DIAPH3: variants seen among roughly 807,000 people sequenced by gnomAD.
DIAPH3 encodes protein diaphanous homolog 3.
DIAPH3 carries 117 observed loss-of-function variants against 144.3 expected under a neutral mutation model. That is an observed-to-expected ratio of 0.81 (90% confidence interval 0.70 to 0.95). The LOEUF is 0.95. Ranked by LOEUF, DIAPH3 falls within the 40% of genes least tolerant of loss-of-function variation. DIAPH3 has a pLI of 0.00. For synonymous variants in DIAPH3, 519 were observed against 488.9 expected (o/e 1.06, Z -0.81); for missense variants, 1,421 against 1,412.7 (o/e 1.01, Z -0.09).
chr13:60,104,598 T>C (rs2058358634), intron 3 of DIAPH3, among the ~76,000 whole-genome samples: 1 of 81,168 alleles, frequency 1.2e-5, no homozygotes, highest in Non-Finnish European at 3.0e-5. Flanking sequence ...ACACACACGA[T>C]GAGAAAAAAA....
At chr13:59,803,925 G>C (rs1443071213) in intron 25 of DIAPH3, among the ~76,000 whole-genome samples, 1 of 152,120 alleles carries the variant, frequency 6.6e-6, no homozygotes, top group Non-Finnish European at 1.5e-5. Context: ...GGAAAAAATT[G>C]TTACATGGTA....
chr13:60,112,455 T>C (rs1057481560), intron 2 of DIAPH3, among the ~76,000 whole-genome samples: 2 of 152,228 alleles, frequency 1.3e-5, no homozygotes, highest in Non-Finnish European at 2.9e-5. Context: ...GAGCTTCTAA[T>C]GACAGGTGAC....
intron 1 of DIAPH3, among the ~76,000 whole-genome samples, chr13:60,141,224 T>C (rs1394515143): frequency 6.6e-6 from 1 of 152,210 alleles, no homozygotes; most frequent in Non-Finnish European, 1.5e-5. Flanking sequence ...TACCACTTAC[T>C]AGATAATTCC....
At chr13:59,852,634 C>A (rs1175654358) in intron 22 of DIAPH3, among the ~76,000 whole-genome samples, 1 of 152,142 alleles carries the variant, frequency 6.6e-6, no homozygotes, top group Non-Finnish European at 1.5e-5. Flanking sequence ...ATGCATTGAG[C>A]TGTACACTTA....
chr13:59,794,469 A>G (rs889428532), intron 25 of DIAPH3, among the ~76,000 whole-genome samples: 2 of 152,120 alleles, frequency 1.3e-5, no homozygotes, highest in South Asian at 2.1e-4. Flanking sequence ...GGAATATTCA[A>G]TAGGATTCTT....
At chr13:59,715,614 A>G (rs560039794) in intron 27 of DIAPH3, among the ~76,000 whole-genome samples, 1 of 151,982 alleles carries the variant, frequency 6.6e-6, no homozygotes, top group Non-Finnish European at 1.5e-5. Context: ...TTTAGAGTAA[A>G]AAAAAAAAAT....
At chr13:60,014,983 T>TGTTTC (rs1434121678) in intron 7 of DIAPH3, among the ~76,000 whole-genome samples, 3 of 151,326 alleles carry the variant, frequency 2.0e-5, no homozygotes. Flanking sequence ...TGTTTTGTTT[T>TGTTTC]GTTTTGTTTT....
intron 1 of DIAPH3, among the ~76,000 whole-genome samples, chr13:60,146,764 GTTT>G (rs1951543164): frequency 6.6e-6 from 1 of 152,194 alleles, no homozygotes; most frequent in South Asian, 2.1e-4. Context: ...AAGTACAATA[GTTT>G]TAGGTTGATT....
intron 1 of DIAPH3, among the ~76,000 whole-genome samples, chr13:60,143,911 C>G (rs1951387018): frequency 1.3e-5 from 2 of 152,118 alleles, no homozygotes; most frequent in Non-Finnish European, 2.9e-5. Context: ...GTGAGGTAAA[C>G]AGATTAAGTA....
intron 20 of DIAPH3, among the ~76,000 whole-genome samples, chr13:59,908,719 G>T (rs1429738556): frequency 6.6e-6 from 1 of 152,024 alleles, no homozygotes; most frequent in Non-Finnish European, 1.5e-5. Flanking sequence ...CACATAACTG[G>T]ATAAAAGAAA....
intron 21 of DIAPH3, among the ~76,000 whole-genome samples, chr13:59,868,428 C>T (rs1238023560): frequency 1.3e-5 from 2 of 152,046 alleles, no homozygotes; most frequent in African/African-American, 4.8e-5. Context: ...TATTTTAGAG[C>T]AATTTTAGCT....
intron 27 of DIAPH3, among the ~76,000 whole-genome samples, chr13:59,747,349 TGC>T: frequency 6.6e-6 from 1 of 152,190 alleles, no homozygotes; most frequent in South Asian, 2.1e-4. Context: ...TTACAGATTT[TGC>T]ATCTAGGTAT....
chr13:60,086,414 C>T (rs748320894), intron 4 of DIAPH3, among the ~76,000 whole-genome samples: 2 of 152,072 alleles, frequency 1.3e-5, no homozygotes, highest in African/African-American at 2.4e-5. Context: ...AACAAGAAAT[C>T]GGTTCATTGT....
intron 24 of DIAPH3, among the ~76,000 whole-genome samples, chr13:59,811,834 C>G (rs1014804870): frequency 4.6e-5 from 7 of 150,644 alleles, no homozygotes; most frequent in African/African-American, 1.7e-4. Flanking sequence ...ATAAGAAGAT[C>G]TCAATAGATA....
At chr13:59,770,331 T>C (rs2038061661) in intron 27 of DIAPH3, among the ~76,000 whole-genome samples, 1 of 152,184 alleles carries the variant, frequency 6.6e-6, no homozygotes. Flanking sequence ...CAACACATTC[T>C]TATAAACACT....
At chr13:59,850,802 T>G (rs1374528387) in intron 22 of DIAPH3, among the ~76,000 whole-genome samples, 2 of 147,942 alleles carry the variant, frequency 1.4e-5, no homozygotes, top group Non-Finnish European at 3.0e-5. Context: ...CCTCGACACA[T>G]ACACTCTCCC....
chr13:59,858,392 T>C lies in DIAPH3; in HGVS notation c.2737+3015A>G, dbSNP rs1003567086. ...AACCAAGAGTAAGACAAGAGCACAG[T>C]TTCTGACACAGTGTAATCACTCAAT... is the stretch of plus-strand genomic sequence containing the variant. On this transcript the variant is annotated intron_variant, in intron 22 of 27. Transcript: ENST00000400324. Among the ~76,000 whole-genome samples the C allele has an allele frequency of 2.6e-5, 4 of 152,198 alleles. No homozygotes were observed. The East Asian group carries it at 7.7e-4, about 29-fold the overall frequency.
At chr13:59,800,636 T>C (rs527748050) in intron 25 of DIAPH3, among the ~76,000 whole-genome samples, 1 of 152,236 alleles carries the variant, frequency 6.6e-6, no homozygotes, top group African/African-American at 2.4e-5. Context: ...TTTACCTTAA[T>C]GATAGAATCA....
intron 2 of DIAPH3, among the ~76,000 whole-genome samples, chr13:60,121,165 T>C (rs1406684326): frequency 6.6e-6 from 1 of 152,158 alleles, no homozygotes; most frequent in Non-Finnish European, 1.5e-5. Flanking sequence ...GCTTTGAAAA[T>C]ATCTGATTTC....
Sources: gnomAD v4.1 joint callset for allele counts (sites outside exome capture counted in the v4.1 genomes callset) on GRCh38, gnomAD v4.1.1 for gene constraint, MANE v1.5 for transcripts, NCBI Gene and HGNC (gene_info 2026-07-23, HGNC 2026-07-21) for gene names.